Variants in LRRTM3 observed in about 807,000 individuals in gnomAD.
The protein encoded by LRRTM3 is leucine-rich repeat transmembrane neuronal protein 3.
In LRRTM3, 24 loss-of-function variants were observed where a neutral mutation model predicts 44.7. The observed-to-expected ratio is 0.54, with a 90% CI of 0.39 to 0.76. The LOEUF (loss-of-function observed/expected upper bound fraction) is 0.76, where lower values mean the gene tolerates loss of function less well. LRRTM3 is among the 30% of genes least tolerant of loss of function. The probability of loss-of-function intolerance (pLI) is 0.00; values close to 1 mark genes in which losing one functional copy is unlikely to be tolerated. For missense variants in LRRTM3, 587 were observed against 702.2 expected (o/e 0.84, Z 1.85); for synonymous variants, 277 against 278.7 (o/e 0.99, Z 0.06).
At chr10:67,038,120 T>C (rs1838359234) in intron 2 of LRRTM3, among the ~76,000 whole-genome samples, 1 of 152,156 alleles carries the variant, frequency 6.6e-6, no homozygotes, top group Non-Finnish European at 1.5e-5. Flanking sequence ...TATATGAGTA[T>C]TGTAGAGCAA....
chr10:66,939,368 A>G (rs1445142199), intron 2 of LRRTM3, among the ~76,000 whole-genome samples: 1 of 152,080 alleles, frequency 6.6e-6, no homozygotes, highest in Non-Finnish European at 1.5e-5. Flanking sequence ...TTTTAAGTCA[A>G]TCCATACAAC....
intron 2 of LRRTM3, among the ~76,000 whole-genome samples, chr10:66,936,746 T>C (rs1337138603): frequency 2.0e-5 from 3 of 152,148 alleles, no homozygotes; most frequent in Non-Finnish European, 4.4e-5. Context: ...AGTATCCATA[T>C]TGAAATTCCT....
At chr10:67,002,654 G>GTATT (rs1851753941) in intron 2 of LRRTM3, among the ~76,000 whole-genome samples, 1 of 152,104 alleles carries the variant, frequency 6.6e-6, no homozygotes, top group Non-Finnish European at 1.5e-5. Flanking sequence ...ACTGGGCCAT[G>GTATT]TATTTCAGGA....
rs533955681 is a variant in LRRTM3, at chr10:66,948,783, T to TA, written c.1536+20339dup. Among the ~76,000 whole-genome samples, 288 of 152,006 alleles carry TA rather than the reference T, an allele frequency of 1.9e-3. 1 individual carries two copies. The highest frequency in any genetic ancestry group is 6.4e-3 in the African/African-American group (265 of 41,482). ...TTCCTATGATCCTATTAAAATGAAG[T>TA]AAAAAAAATCCCAGAAACTCAATGT... On this transcript the variant is annotated intron_variant, in intron 2 of 2. Coordinates refer to ENST00000361320, the MANE Select transcript of LRRTM3 (RefSeq NM_178011.5).
intron 2 of LRRTM3, among the ~76,000 whole-genome samples, chr10:67,035,080 G>A (rs919940399): frequency 6.6e-6 from 1 of 152,136 alleles, no homozygotes; most frequent in African/African-American, 2.4e-5. Flanking sequence ...GCTCCGCATA[G>A]CCCAATCTAA....
At chr10:67,000,353 C>A (rs2132981186) in intron 2 of LRRTM3, among the ~76,000 whole-genome samples, 2 of 152,242 alleles carry the variant, frequency 1.3e-5, no homozygotes, top group Middle Eastern at 3.4e-3. Context: ...GACAAGACAG[C>A]TGATGACGAA....
chr10:66,981,401 C>T (rs746141196), intron 2 of LRRTM3, among the ~76,000 whole-genome samples: 1 of 152,234 alleles, frequency 6.6e-6, no homozygotes, highest in Non-Finnish European at 1.5e-5. Context: ...CTGCACTCTT[C>T]TGGATTTTGA....
At chr10:66,970,502 T>TGTG (rs1849658990) in intron 2 of LRRTM3, among the ~76,000 whole-genome samples, 3 of 138,522 alleles carry the variant, frequency 2.2e-5, no homozygotes, top group Admixed American at 1.5e-4. Context: ...TATTCTTGGG[T>TGTG]GGGGGGGGGA....
chr10:67,066,204 T>TTTC lies in LRRTM3; in HGVS notation c.1537-31381_1537-31380insCTT, dbSNP rs1338345376. Reference sequence around the variant, plus strand: ...CCACTGAAGTCACTGGCTTTTTTTTTTTTTTTTTGAGACAGTCTTGCTCCA... The same window carrying TTTC: ...CCACTGAAGTCACTGGCTTTTTTTTTTTCTTTTTTTTGAGACAGTCTTGCTCCA... On this transcript the variant is annotated intron_variant, in intron 2 of 2. Transcript: ENST00000361320. Among the ~76,000 whole-genome samples the TTTC allele has an allele frequency of 1.4e-4, 21 of 149,976 alleles. 1 individual carries two copies. In the South Asian group the frequency reaches 4.0e-3, roughly 29 times the overall value.
At chr10:66,995,704 G>A (rs1564819548) in intron 2 of LRRTM3, among the ~76,000 whole-genome samples, 1 of 152,046 alleles carries the variant, frequency 6.6e-6, no homozygotes, top group Non-Finnish European at 1.5e-5. Context: ...TCACTAATTT[G>A]TAGCTTTGCT....
intron 2 of LRRTM3, among the ~76,000 whole-genome samples, chr10:66,935,501 A>G (rs1476471640): frequency 6.6e-6 from 1 of 152,064 alleles, no homozygotes; most frequent in Non-Finnish European, 1.5e-5. Context: ...ACTGGCACCA[A>G]TAGAGGGTTA....
At chr10:66,989,289 A>T (rs1174795632) in intron 2 of LRRTM3, among the ~76,000 whole-genome samples, 1 of 152,142 alleles carries the variant, frequency 6.6e-6, no homozygotes, top group Non-Finnish European at 1.5e-5. Context: ...ATACAGCATA[A>T]AGTTCTCACA....
At chr10:67,047,483 T>A (rs1854825998) in intron 2 of LRRTM3, among the ~76,000 whole-genome samples, 2 of 152,134 alleles carry the variant, frequency 1.3e-5, no homozygotes, top group African/African-American at 4.8e-5. Context: ...GTTACTGCAT[T>A]ATATTTAAAC....
At position 67,071,580 on chromosome 10, in the gene LRRTM3, C is replaced by T. The variant is rs547372867; in HGVS notation, c.1537-26007C>T. 5.3e-5 allele frequency among the ~76,000 whole-genome samples: 8 copies of T among 151,674 alleles called. No individual in the cohort carries two copies. The East Asian group carries it at 7.7e-4, about 15-fold the overall frequency. ...TTTTCAGCAGTTTTACTGAAATGTCCCTATGAATGTTTTTATTGTATTTAT... is the reference window on the plus strand; with the variant it reads ...TTTTCAGCAGTTTTACTGAAATGTCTCTATGAATGTTTTTATTGTATTTAT... On this transcript the variant is annotated intron_variant, in intron 2 of 2. Transcript: ENST00000361320.
At chr10:67,011,338 C>CAAA (rs764795305) in intron 2 of LRRTM3, among the ~76,000 whole-genome samples, 2 of 62,352 alleles carry the variant, frequency 3.2e-5, no homozygotes, top group African/African-American at 5.9e-5. Context: ...AAGTCTGTCT[C>CAAA]AAAAAAAAAA....
At chr10:67,015,956 T>C (rs1312238722) in intron 2 of LRRTM3, among the ~76,000 whole-genome samples, 1 of 152,184 alleles carries the variant, frequency 6.6e-6, no homozygotes, top group African/African-American at 2.4e-5. Context: ...TTTATTTCTG[T>C]CATTTTTTTC....
At chr10:66,983,259 C>T (rs557786202) in intron 2 of LRRTM3, among the ~76,000 whole-genome samples, 1 of 152,122 alleles carries the variant, frequency 6.6e-6, no homozygotes, top group Non-Finnish European at 1.5e-5. Context: ...CTAGCCCCCT[C>T]CCAGCCATGT....
intron 2 of LRRTM3, among the ~76,000 whole-genome samples, chr10:66,933,071 A>C (rs2132648260): frequency 6.6e-6 from 1 of 152,278 alleles, no homozygotes; most frequent in South Asian, 2.1e-4. Context: ...TACTTTGTAA[A>C]CTCTAAAATG....
rs181622967 is a variant in LRRTM3 at position 67,049,763 on chromosome 10, G to C, written c.1537-47824G>C. Among the ~76,000 whole-genome samples the C allele has an allele frequency of 3.4e-3, 517 of 152,286 alleles. 3 individuals are homozygous for C. The highest frequency in any genetic ancestry group is 0.012 in the African/African-American group (489 of 41,550). On this transcript the variant is annotated intron_variant, in intron 2 of 2. Transcript: ENST00000361320. ...TATACACAAAAATTACTACTGCACAGATTCTGTGTAGTAGCACAAATAGAA... is the reference window on the plus strand; with the variant it reads ...TATACACAAAAATTACTACTGCACACATTCTGTGTAGTAGCACAAATAGAA...
Sources: allele counts gnomAD v4.1 joint callset (sites outside exome capture counted in the v4.1 genomes callset), GRCh38; gene constraint gnomAD v4.1.1; transcripts MANE v1.5; gene names NCBI Gene and HGNC (gene_info 2026-07-23, HGNC 2026-07-21).